Variants in GMFG observed in about 807,000 individuals in gnomAD.
GMFG encodes glia maturation factor gamma.
GMFG carries 21 observed loss-of-function variants against 26.1 expected under a neutral mutation model. The observed-to-expected ratio is 0.80, with a 90% CI of 0.57 to 1.16. The LOEUF is 1.16. Among genes scored for constraint, GMFG ranks in the 50% most tolerant of loss-of-function variants. The pLI is 0.00. For missense variants in GMFG, 161 were observed against 178.3 expected, an observed-to-expected ratio of 0.90 and a Z score of 0.55; for synonymous variants, 65 against 60.8, an observed-to-expected ratio of 1.07 and a Z score of -0.32.
At chr19:39,331,962 A>G (rs2075228037) in intron 4 of GMFG, among the ~76,000 whole-genome samples, 1 of 151,720 alleles carries the variant, frequency 6.6e-6, no homozygotes, top group Non-Finnish European at 1.5e-5. Context: ...TCCTGAACTC[A>G]ACTGACCCCC....
chr19:39,329,074 C>T lies in GMFG; in HGVS notation c.284-1G>A. ...ATCATCTGTTGTTCCGGCTTGCAGC[C>T]TGCGTGGAAAAGAGGAGAAAGGCAC... On this transcript the variant is annotated splice_acceptor_variant, in intron 5 of 6. Transcript: ENST00000597595. LOFTEE classifies it high-confidence loss of function. 6.2e-7 allele frequency: 1 copy of T among 1,611,948 alleles called. No individual in the cohort carries two copies. The highest frequency in any genetic ancestry group is 1.1e-5 in the South Asian group (1 of 91,028).
At chr19:39,329,235 A>T (rs1443697007) in intron 5 of GMFG, among the ~76,000 whole-genome samples, 162 bp from the exon 6 acceptor site, 1 of 152,092 alleles carries the variant, frequency 6.6e-6, no homozygotes, top group Non-Finnish European at 1.5e-5. Context: ...TGGGGGCTTC[A>T]AGTTATTCTG....
In GMFG at chr19:39,328,535, C is replaced by T. The variant is rs2075212716; in HGVS notation, c.371G>A (p.Arg124His). 1 of 1,612,062 alleles carries T rather than the reference C, an allele frequency of 6.2e-7. No individual in the cohort carries two copies. The highest frequency in any genetic ancestry group is 8.5e-7 in the Non-Finnish European group (1 of 1,178,362). Reference sequence around the variant, plus strand: ...GGCCTCAGTGAGGTCATCAGTGGTGCGGATTTCGAACACCTGGGCAGAGAG... The same window carrying T: ...GGCCTCAGTGAGGTCATCAGTGGTGTGGATTTCGAACACCTGGGCAGAGAG... ...TAELTKVFEIRTTDDLTEAWL... is the reference protein window; with the variant it reads ...TAELTKVFEIHTTDDLTEAWL... The change falls in exon 7 of 7, where the codon CGC becomes CAC. Residue 124 changes from arginine (R) to histidine (H), a missense_variant. Transcript: ENST00000597595.
At position 39,328,443 on chromosome 19, in the gene GMFG, T is replaced by C; in HGVS notation, c.*34A>G. On this transcript the variant is annotated 3_prime_UTR_variant, in exon 7 of 7. Coordinates refer to ENST00000597595, the MANE Select transcript of GMFG (RefSeq NM_004877.4). ...CCAAGTCCCCAGTCACCTTGAGGAC[T>C]CAGACATCAGGAATTCAGTCCCCAG... 6.9e-7 allele frequency: 1 copy of C among 1,447,284 alleles called. No individual in the cohort carries two copies. The highest frequency in any genetic ancestry group is 9.7e-7 in the Non-Finnish European group (1 of 1,027,980). The allele number at this position is 1,447,284 out of a possible 1,614,324, so 89.7% of individuals were successfully genotyped here. A position where few individuals can be genotyped will look rare whatever the true frequency, so the allele number is the denominator to read the frequency against.
intron 5 of GMFG, among the ~76,000 whole-genome samples, chr19:39,329,279 G>A (rs982856273): frequency 1.3e-5 from 2 of 152,152 alleles, no homozygotes; most frequent in East Asian, 3.9e-4. Context: ...GGCCAGACGG[G>A]GATTTCTAGG....
intron 3 of GMFG, among the ~76,000 whole-genome samples, chr19:39,333,949 T>G (rs2075237589): frequency 1.3e-5 from 2 of 151,674 alleles, no homozygotes; most frequent in South Asian, 2.1e-4. Flanking sequence ...TTCTTGTTAT[T>G]GATAAAGACA....
In GMFG at chr19:39,336,029, G is replaced by A. The variant is rs906504107; in HGVS notation, c.-53C>T. The A allele has an allele frequency of 1.3e-5, 20 of 1,524,374 alleles. No homozygotes were observed. The highest frequency in any genetic ancestry group is 1.1e-4 in the African/African-American group (8 of 73,102). The allele number at this position is 1,524,374 out of a possible 1,614,324, so 94.4% of individuals were successfully genotyped here. On this transcript the variant is annotated 5_prime_UTR_variant, in exon 1 of 7. It adds an upstream start codon to the 5' untranslated region. Transcript: ENST00000597595. The stretch of plus-strand genomic sequence containing the variant: ...TTCTTAGTTCCGCTGTCTTCTAGGC[G>A]TGGGGACCGGGGCTGTAGGGGGGCG...
At position 39,329,013 on chromosome 19, in the gene GMFG, G is replaced by T; in HGVS notation, c.344C>A (p.Ala115Glu). ...AGSKNRLVQT[A>E]ELTKVFEIRT... ...CCCAGTCTGAACCTTTGTGAGCTCT[G>T]CTGTCTGCACCAGCCTGTTTTTACT... The change falls in exon 6 of 7, where the codon GCA (alanine) becomes GAA (glutamate). Residue 115 changes from alanine (A) to glutamate (E), a missense_variant. Transcript: ENST00000597595. 2.5e-6 allele frequency: 4 copies of T among 1,612,076 alleles called. No individual in the cohort carries two copies. Among genetic ancestry groups the T allele is most frequent in the Non-Finnish European group, 3.4e-6 (4 of 1,178,136 alleles).
Position 39,332,855 on chromosome 19 carries a change from C to T in GMFG, c.200+222G>A, listed in dbSNP as rs767399179. ...TGTATTTTTAGTAGAGACGGGATTT[C>T]ACCATGTTGGTCAGGCTAGTCTTGA... On this transcript the variant is annotated intron_variant, in intron 4 of 6. Coordinates refer to ENST00000597595, the MANE Select transcript of GMFG (RefSeq NM_004877.4). 49 of 318,698 alleles carry T rather than the reference C, an allele frequency of 1.5e-4. 1 individual carries two copies. In the Middle Eastern group the frequency reaches 2.8e-3, roughly 18 times the overall value. 19.7% of individuals were successfully genotyped at this position (318,698 alleles called of 1,614,324 possible). A position where few individuals can be genotyped will look rare whatever the true frequency, so the allele number is the denominator to read the frequency against.
At chr19:39,330,688 C>A (rs1189278376) in intron 4 of GMFG, among the ~76,000 whole-genome samples, 1 of 151,768 alleles carries the variant, frequency 6.6e-6, no homozygotes, top group African/African-American at 2.4e-5. Context: ...CCTCGACCTC[C>A]CAGGTTCAGG....
rs1192887674 is a variant in GMFG at position 39,329,084 on chromosome 19, A to G, written c.284-11T>C. On this transcript the variant is annotated splice_polypyrimidine_tract_variant and intron_variant, in intron 5 of 6. Coordinates refer to ENST00000597595, the MANE Select transcript of GMFG (RefSeq NM_004877.4). The stretch of plus-strand genomic sequence containing the variant: ...GTTCCGGCTTGCAGCCTGCGTGGAA[A>G]AGAGGAGAAAGGCACATCAGTGGGG... The G allele has an allele frequency of 1.2e-6, 2 of 1,602,346 alleles. No individual in the cohort carries two copies. Among genetic ancestry groups the G allele is most frequent in the Non-Finnish European group, 1.7e-6 (2 of 1,169,422 alleles).
intron 4 of GMFG, 35 bp downstream of exon 4, chr19:39,333,042 A>G (rs1221375341): frequency 1.3e-6 from 2 of 1,494,358 alleles, no homozygotes; most frequent in East Asian, 2.3e-5. Flanking sequence ...CCCTCCCCTC[A>G]TGGCCTGATC....
In GMFG at chr19:39,328,393, C is replaced by G; in HGVS notation, c.*84G>C. 5 of 870,818 alleles carry G rather than the reference C, an allele frequency of 5.7e-6. No homozygotes were observed. The highest frequency in any genetic ancestry group is 7.8e-6 in the Non-Finnish European group (4 of 514,022). The allele number at this position is 870,818 out of a possible 1,614,324, so 53.9% of individuals were successfully genotyped here. On this transcript the variant is annotated 3_prime_UTR_variant, in exon 7 of 7. Transcript: ENST00000597595. ...TTGCATTTTAAAATTTATTTAAAGTCTTGGTTGTTCAGGTCCTAGGGGTTC... is the reference window on the plus strand; with the variant it reads ...TTGCATTTTAAAATTTATTTAAAGTGTTGGTTGTTCAGGTCCTAGGGGTTC...
At chr19:39,334,360 C>G (rs1477087520) in intron 3 of GMFG, among the ~76,000 whole-genome samples, 1 of 151,914 alleles carries the variant, frequency 6.6e-6, no homozygotes, top group African/African-American at 2.4e-5. Flanking sequence ...TCAAAACTCC[C>G]AGCCTCAAGC....
Position 39,328,518 on chromosome 19 carries a change from T to A in GMFG, c.388A>T (p.Thr130Ser), listed in dbSNP as rs772616377. Reference protein sequence around the residue: ...VFEIRTTDDLTEAWLQEKLSF... With the variant: ...VFEIRTTDDLSEAWLQEKLSF... The stretch of plus-strand genomic sequence containing the variant: ...AACTTTTCTTGGAGCCAGGCCTCAG[T>A]GAGGTCATCAGTGGTGCGGATTTCG... Residue 130 changes from threonine to serine, a missense_variant, in exon 7 of 7, where the codon ACT (threonine) becomes TCT (serine). Coordinates refer to ENST00000597595, the MANE Select transcript of GMFG (RefSeq NM_004877.4). 1.2e-4 allele frequency: 190 copies of A among 1,613,080 alleles called. No homozygotes were observed. Among genetic ancestry groups the A allele is most frequent in the Non-Finnish European group, 1.6e-4 (189 of 1,179,324 alleles).
Position 39,328,435 on chromosome 19 carries a change from T to C in GMFG, c.*42A>G. 1 of 1,320,328 alleles carries C rather than the reference T, an allele frequency of 7.6e-7. No homozygotes were observed. 81.8% of individuals were successfully genotyped at this position (1,320,328 alleles called of 1,614,324 possible). ...TAGGGGTTCCAAGTCCCCAGTCACC[T>C]TGAGGACTCAGACATCAGGAATTCA... On this transcript the variant is annotated 3_prime_UTR_variant, in exon 7 of 7. Transcript: ENST00000597595.
chr19:39,333,043 T>C (rs1273864298), intron 4 of GMFG, 34 bp downstream of exon 4: 6 of 1,491,528 alleles, frequency 4.0e-6, no homozygotes, highest in South Asian at 1.1e-5. Flanking sequence ...CCTCCCCTCA[T>C]GGCCTGATCC....
At chr19:39,332,409 C>A (rs962106449) in intron 4 of GMFG, among the ~76,000 whole-genome samples, 3 of 151,522 alleles carry the variant, frequency 2.0e-5, no homozygotes, top group Non-Finnish European at 4.4e-5. Flanking sequence ...CTCAGGTGAT[C>A]CTCCCGCCTC....
At chr19:39,332,656 C>CTTTT (rs59277772) in intron 4 of GMFG, among the ~76,000 whole-genome samples, 42 of 111,280 alleles carry the variant, frequency 3.8e-4, no homozygotes, top group African/African-American at 7.7e-4. Flanking sequence ...CACAGAGATT[C>CTTTT]TTTTTTTTTT....
Sources: allele counts gnomAD v4.1 joint callset (sites outside exome capture counted in the v4.1 genomes callset), GRCh38; gene constraint gnomAD v4.1.1; transcripts MANE v1.5; gene names NCBI Gene and HGNC (gene_info 2026-07-23, HGNC 2026-07-21).